The following PTPRD variants were observed in gnomAD, a reference collection of about 807,000 sequenced individuals.
The protein encoded by PTPRD is protein tyrosine phosphatase receptor type D, also known as receptor-type tyrosine-protein phosphatase delta.
Under a neutral mutation model 214.5 loss-of-function variants are expected in PTPRD, and 34 were observed. The ratio of observed to expected loss-of-function variants is 0.16; its 90% CI spans 0.12 to 0.21. PTPRD has a LOEUF of 0.21. PTPRD is among the 10% of genes least tolerant of loss of function. The probability of loss-of-function intolerance (pLI) is 1.00; values close to 1 mark genes in which losing one functional copy is unlikely to be tolerated. For synonymous variants in PTPRD, 1,128 were observed against 845.7 expected, an observed-to-expected ratio of 1.33 and a Z score of -5.79; for missense variants, 2,545 against 2,398.7, an observed-to-expected ratio of 1.06 and a Z score of -1.27.
At position 9,942,288 on chromosome 9, in the gene PTPRD, T is replaced by C. The variant is rs560860076; in HGVS notation, c.-471-3678A>G. On this transcript the variant is annotated intron_variant, in intron 4 of 45. Coordinates refer to ENST00000381196, the MANE Select transcript of PTPRD (RefSeq NM_002839.4). ...ATATTATGGGTCTTACATTTTTCAC[T>C]TAAAGTTAGGTGGGCATTATATCAG... Among the ~76,000 whole-genome samples, 45 of 152,244 alleles carry C rather than the reference T, an allele frequency of 3.0e-4. 1 individual carries two copies. The South Asian group carries it at 8.5e-3, about 29-fold the overall frequency.
At chr9:9,966,649 AG>A (rs2094723299) in intron 4 of PTPRD, among the ~76,000 whole-genome samples, 1 of 152,174 alleles carries the variant, frequency 6.6e-6, no homozygotes, top group Non-Finnish European at 1.5e-5. Context: ...TTAGGAAAAA[AG>A]TCATGAATGG....
chr9:10,457,454 T>A (rs575590507), intron 2 of PTPRD, among the ~76,000 whole-genome samples: 7 of 152,186 alleles, frequency 4.6e-5, no homozygotes, highest in Non-Finnish European at 8.8e-5. Flanking sequence ...GAACGCTTCT[T>A]TCAGTGTCTT....
At chr9:8,725,107 A>G (rs2098543403) in intron 12 of PTPRD, among the ~76,000 whole-genome samples, 1 of 152,206 alleles carries the variant, frequency 6.6e-6, no homozygotes, top group Non-Finnish European at 1.5e-5. Flanking sequence ...TGAAAGCTAC[A>G]TGGAAAATTC....
intron 11 of PTPRD, among the ~76,000 whole-genome samples, chr9:8,785,462 T>A (rs1389915361): frequency 6.6e-6 from 1 of 152,176 alleles, no homozygotes; most frequent in African/African-American, 2.4e-5. Context: ...ATCCTGAATA[T>A]CCTTTTGATG....
At chr9:9,588,888 A>C (rs1402756741) in intron 7 of PTPRD, among the ~76,000 whole-genome samples, 1 of 151,974 alleles carries the variant, frequency 6.6e-6, no homozygotes, top group African/African-American at 2.4e-5. Flanking sequence ...AGTTGGGTTC[A>C]AACTCTTTGT....
intron 3 of PTPRD, among the ~76,000 whole-genome samples, chr9:10,224,416 AGTTACATAT>A (rs2099581970): frequency 6.6e-6 from 1 of 151,998 alleles, no homozygotes; most frequent in Non-Finnish European, 1.5e-5. Context: ...TGTGCAGGTT[AGTTACATAT>A]GCATACATGT....
intron 9 of PTPRD, among the ~76,000 whole-genome samples, chr9:9,211,438 A>G (rs2099948539): frequency 6.6e-6 from 1 of 151,814 alleles, no homozygotes; most frequent in Non-Finnish European, 1.5e-5. Flanking sequence ...TAAGTACTGT[A>G]TAAATATTAG....
intron 32 of PTPRD, 123 bp downstream of exon 32, chr9:8,465,343 C>A: frequency 2.4e-6 from 2 of 831,430 alleles, no homozygotes; most frequent in Non-Finnish European, 3.8e-6. Flanking sequence ...CCTGTTATTA[C>A]ACTTAATAAC....
At chr9:9,688,165 T>C (rs114250326) in intron 7 of PTPRD, among the ~76,000 whole-genome samples, 221 of 152,002 alleles carry the variant, frequency 1.5e-3, no homozygotes, top group African/African-American at 5.2e-3. Context: ...CCTCTTTTCT[T>C]TATAAATTCC....
intron 11 of PTPRD, among the ~76,000 whole-genome samples, chr9:8,945,405 C>T (rs1479158012): frequency 6.6e-6 from 1 of 152,066 alleles, no homozygotes; most frequent in South Asian, 2.1e-4. Flanking sequence ...TTTCACTTTT[C>T]CGTTTTTACT....
intron 10 of PTPRD, among the ~76,000 whole-genome samples, chr9:9,107,986 T>G (rs2099801052): frequency 6.6e-6 from 1 of 152,170 alleles, no homozygotes; most frequent in South Asian, 2.1e-4. Flanking sequence ...CCTCAAAATT[T>G]TCATTAATAT....
intron 3 of PTPRD, among the ~76,000 whole-genome samples, chr9:10,160,369 A>C (rs1328997904): frequency 6.6e-6 from 1 of 152,038 alleles, no homozygotes; most frequent in Non-Finnish European, 1.5e-5. Flanking sequence ...AGGTTTCATA[A>C]AAGAAAAGCC....
intron 5 of PTPRD, among the ~76,000 whole-genome samples, chr9:9,879,346 A>C (rs1220277544): frequency 6.6e-6 from 1 of 152,076 alleles, no homozygotes; most frequent in Non-Finnish European, 1.5e-5. Flanking sequence ...CTTCACTCCC[A>C]CTTGTGATGA....
intron 5 of PTPRD, among the ~76,000 whole-genome samples, chr9:9,810,559 C>A (rs574421466): frequency 6.6e-6 from 1 of 151,212 alleles, no homozygotes; most frequent in East Asian, 1.9e-4. Context: ...AACTTTACCA[C>A]ATGGTTGATG....
At chr9:10,362,699 A>T (rs561523138) in intron 2 of PTPRD, among the ~76,000 whole-genome samples, 16 of 151,882 alleles carry the variant, frequency 1.1e-4, no homozygotes, top group Non-Finnish European at 1.9e-4. Context: ...GGCCAACATG[A>T]TGAAACCCCG....
Position 9,758,967 on chromosome 9 carries a change from T to A in PTPRD, c.-326+7843A>T, listed in dbSNP as rs113319299. Among the ~76,000 whole-genome samples the A allele has an allele frequency of 6.4e-4, 98 of 152,264 alleles. 1 individual carries two copies. Among genetic ancestry groups the A allele is most frequent in the African/African-American group, 2.2e-3 (92 of 41,550 alleles). The stretch of plus-strand genomic sequence containing the variant: ...AATGTGATTAAGGTAGCAAGTATGT[T>A]ACCCAGCAAGAAAGGAATGCTGTCA... On this transcript the variant is annotated intron_variant, in intron 6 of 45. Transcript: ENST00000381196.
chr9:10,394,693 C>G (rs770569802), intron 2 of PTPRD, among the ~76,000 whole-genome samples: 1 of 151,788 alleles, frequency 6.6e-6, no homozygotes, highest in Non-Finnish European at 1.5e-5. Context: ...TTTGTGACAT[C>G]TGGGGCACAA....
intron 12 of PTPRD, among the ~76,000 whole-genome samples, chr9:8,643,983 G>A (rs2096633572): frequency 1.3e-5 from 2 of 152,186 alleles, no homozygotes; most frequent in South Asian, 4.1e-4. Context: ...AACTGGTGGT[G>A]CCTTTTCTGG....
At chr9:9,298,553 T>C (rs1954018466) in intron 9 of PTPRD, among the ~76,000 whole-genome samples, 1 of 151,742 alleles carries the variant, frequency 6.6e-6, no homozygotes, top group Admixed American at 6.6e-5. Flanking sequence ...TCATTGACTT[T>C]TTTTGGAAGG....
Sources: gnomAD v4.1 joint callset for allele counts (sites outside exome capture counted in the v4.1 genomes callset) on GRCh38, gnomAD v4.1.1 for gene constraint, MANE v1.5 for transcripts, NCBI Gene and HGNC (gene_info 2026-07-23, HGNC 2026-07-21) for gene names.